The following COL28A1 variants were observed in gnomAD, a reference collection of about 807,000 sequenced individuals.
The protein encoded by COL28A1 is collagen alpha-1(XXVIII) chain.
A neutral mutation model predicts 150.2 loss-of-function variants in COL28A1; 161 were observed. The observed-to-expected ratio is 1.07, with a 90% CI of 0.94 to 1.22. The LOEUF (loss-of-function observed/expected upper bound fraction) is 1.22, where lower values mean the gene tolerates loss of function less well. COL28A1 is among the 50% of genes most tolerant of loss of function. The pLI, the probability that COL28A1 is intolerant of heterozygous loss-of-function variation, is 0.00. For missense variants in COL28A1, 1,617 were observed against 1,388.3 expected, an observed-to-expected ratio of 1.16 and a Z score of -2.62; for synonymous variants, 552 against 469.7, an observed-to-expected ratio of 1.18 and a Z score of -2.26.
In COL28A1 at chr7:7,452,354, G is replaced by A. The variant is rs751694131; in HGVS notation, c.1474C>T (p.Arg492Ter). The change falls in exon 18 of 35, where the codon CGA becomes TGA. Residue 492 changes from arginine (R) to a stop codon, truncating the protein, a stop_gained. Transcript: ENST00000399429. LOFTEE classifies it high-confidence loss of function. ...EVGQMGPTGP[R>*]GPVGIGVQGP... is the part of the protein sequence containing the mutation. The stretch of plus-strand genomic sequence containing the variant: ...TGTACTCCAATTCCCACTGGTCCTC[G>A]AGGGCCTGTAGGTCCCATTTGGCCT... 30 of 1,605,852 alleles carry A rather than the reference G, an allele frequency of 1.9e-5. No individual in the cohort carries two copies. The highest frequency in any genetic ancestry group is 1.2e-4 in the African/African-American group (9 of 74,286).
chr7:7,403,131 C>T (rs989865909), intron 27 of COL28A1, among the ~76,000 whole-genome samples: 1 of 152,130 alleles, frequency 6.6e-6, no homozygotes, highest in Non-Finnish European at 1.5e-5. Context: ...GGAGGACAGA[C>T]TATCTAATAT....
the COL28A1 span, among the ~76,000 whole-genome samples, chr7:7,339,855 T>C: frequency 1.8e-4 from 28 of 152,272 alleles, no homozygotes; most frequent in South Asian, 5.8e-3. Flanking sequence ...GACTTTTAGG[T>C]CATACAAATT....
the COL28A1 span, among the ~76,000 whole-genome samples, chr7:7,341,372 T>G: frequency 6.6e-6 from 1 of 152,102 alleles, no homozygotes; most frequent in Admixed American, 6.6e-5. Flanking sequence ...GATGCTTTTA[T>G]CATCTCATTA....
At position 7,515,811 on chromosome 7, in the gene COL28A1, TAC is replaced by T. The variant is rs767899578; in HGVS notation, c.882+1_882+2del. 6.6e-6 allele frequency: 7 copies of T among 1,057,618 alleles called. No homozygotes were observed. The highest frequency in any genetic ancestry group is 1.0e-5 in the Non-Finnish European group (7 of 673,944). The allele number at this position is 1,057,618 out of a possible 1,614,324, so 65.5% of individuals were successfully genotyped here. On this transcript the variant is annotated splice_donor_variant, in intron 8 of 34. Coordinates refer to ENST00000399429, the MANE Select transcript of COL28A1 (RefSeq NM_001037763.3). LOFTEE classifies it high-confidence loss of function. ...GTCAATCTATTTGTTGTTACCAACT[TAC>T]CTTGTCACCCTTGTACCCAGGAATT...
intron 11 of COL28A1, among the ~76,000 whole-genome samples, chr7:7,503,251 C>A (rs1022220892): frequency 6.6e-6 from 1 of 152,116 alleles, no homozygotes; most frequent in African/African-American, 2.4e-5. Context: ...AGACTTGGAC[C>A]CATTGCTTAA....
At chr7:7,425,113 G>A (rs1784587841) in intron 25 of COL28A1, among the ~76,000 whole-genome samples, 1 of 151,972 alleles carries the variant, frequency 6.6e-6, no homozygotes, top group Non-Finnish European at 1.5e-5. Context: ...AGTTTATTAT[G>A]CAGCAGGAAG....
rs756273805 is a variant in COL28A1, at chr7:7,502,180, G to A, written c.1026+3834C>T. Among the ~76,000 whole-genome samples the A allele has an allele frequency of 7.2e-5, 11 of 152,180 alleles. 1 individual carries two copies. The highest frequency in any genetic ancestry group is 1.3e-4 in the Non-Finnish European group (9 of 68,032). The stretch of plus-strand genomic sequence containing the variant: ...CTCCCAAAGTGCTGGGATTACAGGC[G>A]TGAGCCACTGCGCCTGGCTGAGATG... On this transcript the variant is annotated intron_variant, in intron 11 of 34. Coordinates refer to ENST00000399429, the MANE Select transcript of COL28A1 (RefSeq NM_001037763.3).
chr7:7,343,882 C>G, the COL28A1 span, among the ~76,000 whole-genome samples: 1 of 151,890 alleles, frequency 6.6e-6, no homozygotes. Context: ...GTGGTACATG[C>G]CTGTAGTCTC....
chr7:7,432,258 C>T (rs543322754), intron 25 of COL28A1, among the ~76,000 whole-genome samples: 2 of 152,174 alleles, frequency 1.3e-5, no homozygotes, highest in South Asian at 2.1e-4. Flanking sequence ...CAAAGGAATG[C>T]GAGTTGCTAT....
In COL28A1 at chr7:7,380,824, A is replaced by G. The variant is rs745449172; in HGVS notation, c.2244T>C (p.Gly748=). Reference sequence around the variant, plus strand: ...CAGGCTCTCCAATTTCTCCTTTATCACCTTTCTTTCCCACATCGCCCCGTT... The same window carrying G: ...CAGGCTCTCCAATTTCTCCTTTATCGCCTTTCTTTCCCACATCGCCCCGTT... The part of the protein sequence containing the change: ...HGERGDVGKK[G]DKGEIGEPGS... Residue 748 remains glycine (G), a synonymous_variant, in exon 29 of 35, where the codon GGT becomes GGC. Coordinates refer to ENST00000399429, the MANE Select transcript of COL28A1 (RefSeq NM_001037763.3). The G allele has an allele frequency of 6.2e-7, 1 of 1,613,738 alleles. No individual in the cohort carries two copies. The highest frequency in any genetic ancestry group is 2.2e-5 in the East Asian group (1 of 44,864).
chr7:7,487,414 C>T (rs4724994), intron 13 of COL28A1, among the ~76,000 whole-genome samples: 513 of 152,144 alleles, frequency 3.4e-3, no homozygotes, highest in Non-Finnish European at 6.1e-3. Flanking sequence ...CCTGTCTCTA[C>T]AAAAACTACA....
chr7:7,365,160 G>A (rs1780867703), intron 33 of COL28A1, among the ~76,000 whole-genome samples: 1 of 137,332 alleles, frequency 7.3e-6, no homozygotes, highest in Non-Finnish European at 1.7e-5. Context: ...GAAAAAGCTA[G>A]GACTTTATCT....
At chr7:7,415,693 C>T (rs1333165119) in intron 27 of COL28A1, among the ~76,000 whole-genome samples, 1 of 152,086 alleles carries the variant, frequency 6.6e-6, no homozygotes, top group Non-Finnish European at 1.5e-5. Context: ...ACCACCATGC[C>T]TGGCTAATTT....
chr7:7,428,994 C>A (rs1468051616), intron 25 of COL28A1, among the ~76,000 whole-genome samples: 1 of 152,182 alleles, frequency 6.6e-6, no homozygotes, highest in Non-Finnish European at 1.5e-5. Flanking sequence ...TGTTTTGAAA[C>A]ACAGAAGCTT....
At chr7:7,416,905 G>C (rs1052000578) in intron 27 of COL28A1, among the ~76,000 whole-genome samples, 2 of 152,068 alleles carry the variant, frequency 1.3e-5, no homozygotes, top group African/African-American at 2.4e-5. Context: ...TATTTGAAAA[G>C]GAGTTTATTT....
rs372133798 is a variant in COL28A1 at position 7,521,992 on chromosome 7, C to T, written c.703-31G>A. The T allele has an allele frequency of 2.3e-4, 200 of 882,290 alleles. 1 individual carries two copies. The highest frequency in any genetic ancestry group is 2.9e-5 in the Non-Finnish European group (15 of 510,844). 54.7% of individuals were successfully genotyped at this position (882,290 alleles called of 1,614,324 possible). On this transcript the variant is annotated intron_variant, in intron 4 of 34. Transcript: ENST00000399429. ...TCAATAATGAAATATGATATTAACACACAGTGAAATTCAAATTGTATGCAG... is the reference window on the plus strand; with the variant it reads ...TCAATAATGAAATATGATATTAACATACAGTGAAATTCAAATTGTATGCAG...
intron 20 of COL28A1, among the ~76,000 whole-genome samples, chr7:7,442,640 T>A (rs1489283839): frequency 6.6e-6 from 1 of 152,216 alleles, no homozygotes; most frequent in Admixed American, 6.5e-5. Flanking sequence ...ACTATTTTAG[T>A]AGAATTATGA....
At chr7:7,399,029 G>T (rs1207463462) in intron 27 of COL28A1, among the ~76,000 whole-genome samples, 1 of 152,090 alleles carries the variant, frequency 6.6e-6, no homozygotes, top group African/African-American at 2.4e-5. Context: ...CAATTCTCTA[G>T]TCCACAGTCT....
At chr7:7,403,048 G>A (rs1273475145) in intron 27 of COL28A1, among the ~76,000 whole-genome samples, 3 of 152,202 alleles carry the variant, frequency 2.0e-5, no homozygotes, top group Non-Finnish European at 2.9e-5. Flanking sequence ...CACTCATGGT[G>A]TGAGAAGTGC....
Sources: gnomAD v4.1 joint callset for allele counts (sites outside exome capture counted in the v4.1 genomes callset) on GRCh38, gnomAD v4.1.1 for gene constraint, MANE v1.5 for transcripts, NCBI Gene and HGNC (gene_info 2026-07-23, HGNC 2026-07-21) for gene names.